MACROD2: variants seen among roughly 807,000 people sequenced by gnomAD.
The protein encoded by MACROD2 is mono-ADP ribosylhydrolase 2, also known as ADP-ribose glycohydrolase MACROD2.
Under a neutral mutation model 70.4 loss-of-function variants are expected in MACROD2, and 36 were observed. The ratio of observed to expected loss-of-function variants is 0.51; its 90% CI spans 0.39 to 0.68. The LOEUF is 0.68. Among genes scored for constraint, MACROD2 ranks in the 30% least tolerant of loss-of-function variants. MACROD2 has a pLI of 0.00. For missense variants in MACROD2, 496 were observed against 538.4 expected (o/e 0.92, Z 0.78); for synonymous variants, 172 against 178.8 (o/e 0.96, Z 0.30).
chr20:15,133,995 C>A (rs981601084), intron 5 of MACROD2, among the ~76,000 whole-genome samples: 1 of 148,292 alleles, frequency 6.7e-6, no homozygotes, highest in Non-Finnish European at 1.5e-5. Flanking sequence ...GCAAGCTCTG[C>A]CTCCCGGGTC....
Position 16,027,508 on chromosome 20 carries a change from G to A in MACROD2, c.1154-13693G>A, listed in dbSNP as rs145690470. 3.7e-3 allele frequency among the ~76,000 whole-genome samples: 560 copies of A among 152,234 alleles called. 6 individuals carry two copies. The highest frequency in any genetic ancestry group is 0.013 in the African/African-American group (538 of 41,548). On this transcript the variant is annotated intron_variant, in intron 15 of 17. Coordinates refer to ENST00000684519, the MANE Select transcript of MACROD2 (RefSeq NM_001351661.2). ...ATAATCATGCAGGATTTCAACCCTC[G>A]CCATCAGAGATGCTTCTTCTGTGGG...
chr20:15,824,480 T>C (rs1357431341), intron 8 of MACROD2, among the ~76,000 whole-genome samples: 3 of 152,310 alleles, frequency 2.0e-5, no homozygotes, highest in East Asian at 1.9e-4. Context: ...ATGAAAATTA[T>C]GTGTTTAGAA....
intron 2 of MACROD2, among the ~76,000 whole-genome samples, chr20:14,055,662 C>A (rs577940116): frequency 6.6e-6 from 1 of 152,084 alleles, no homozygotes; most frequent in Non-Finnish European, 1.5e-5. Flanking sequence ...ACACAGACAG[C>A]AAAGAGCAGG....
intron 5 of MACROD2, among the ~76,000 whole-genome samples, chr20:14,890,445 A>G (rs565704742): frequency 6.6e-6 from 1 of 152,228 alleles, no homozygotes; most frequent in South Asian, 2.1e-4. Context: ...AAGTACTTTG[A>G]TGAGGGGGAG....
At chr20:14,433,939 G>A (rs886897654) in intron 3 of MACROD2, among the ~76,000 whole-genome samples, 2 of 151,932 alleles carry the variant, frequency 1.3e-5, no homozygotes, top group Non-Finnish European at 2.9e-5. Context: ...CAATAATATG[G>A]CACAAAATAA....
At chr20:15,307,276 G>T (rs1322551040) in intron 6 of MACROD2, among the ~76,000 whole-genome samples, 1 of 152,202 alleles carries the variant, frequency 6.6e-6, no homozygotes, top group African/African-American at 2.4e-5. Flanking sequence ...CTATAGATTT[G>T]CTGTGGACCA....
At chr20:15,444,014 A>C (rs6043282) in intron 7 of MACROD2, among the ~76,000 whole-genome samples, 71,143 of 151,984 alleles carry the variant, frequency 0.47, 17,215 homozygotes, top group African/African-American at 0.6. Context: ...GTTGCACAAC[A>C]ACCATCATAA....
At chr20:14,122,549 C>T (rs543418261) in intron 3 of MACROD2, among the ~76,000 whole-genome samples, 1 of 152,254 alleles carries the variant, frequency 6.6e-6, no homozygotes, top group East Asian at 1.9e-4. Context: ...TGAGGGAGGT[C>T]AATAAGAAGA....
chr20:14,825,407 C>CT (rs2072890386), intron 5 of MACROD2, among the ~76,000 whole-genome samples: 1 of 152,078 alleles, frequency 6.6e-6, no homozygotes, highest in African/African-American at 2.4e-5. Context: ...ATATTGGTAC[C>CT]TTTTTCCTGA....
chr20:14,145,751 AT>A (rs2054935104), intron 3 of MACROD2, among the ~76,000 whole-genome samples: 2 of 152,238 alleles, frequency 1.3e-5, no homozygotes, highest in Non-Finnish European at 2.9e-5. Flanking sequence ...TCACAATTAA[AT>A]TCTCTATTAG....
At chr20:14,719,740 A>G (rs897518877) in intron 5 of MACROD2, among the ~76,000 whole-genome samples, 2 of 152,180 alleles carry the variant, frequency 1.3e-5, no homozygotes, top group Non-Finnish European at 1.5e-5. Flanking sequence ...CTGTAGGTGT[A>G]TTTCAGTTGG....
chr20:14,473,337 C>A (rs1485276687), intron 3 of MACROD2, among the ~76,000 whole-genome samples: 1 of 152,154 alleles, frequency 6.6e-6, no homozygotes, highest in African/African-American at 2.4e-5. Flanking sequence ...CTGGTAACCA[C>A]TATTCTATTC....
chr20:14,190,333 A>G (rs1249159045), intron 3 of MACROD2, among the ~76,000 whole-genome samples: 7 of 152,130 alleles, frequency 4.6e-5, no homozygotes, highest in Admixed American at 4.6e-4. Context: ...CCTTCTTAAT[A>G]TGGTGTCCAG....
intron 5 of MACROD2, among the ~76,000 whole-genome samples, chr20:14,951,858 G>A (rs910230878): frequency 5.3e-5 from 8 of 151,018 alleles, no homozygotes; most frequent in African/African-American, 1.2e-4. Context: ...CTTTCCTCCC[G>A]TGTTTTTCCA....
At chr20:14,654,490 G>A (rs766591694) in intron 4 of MACROD2, among the ~76,000 whole-genome samples, 19 of 148,766 alleles carry the variant, frequency 1.3e-4, no homozygotes, top group Non-Finnish European at 1.3e-4. Flanking sequence ...AGGTTGCAGT[G>A]AGCCAAAATC....
intron 5 of MACROD2, among the ~76,000 whole-genome samples, chr20:15,156,291 C>T (rs900049900): frequency 6.6e-6 from 1 of 152,104 alleles, no homozygotes; most frequent in African/African-American, 2.4e-5. Context: ...TAGCTCATTG[C>T]TCAGCTTTTC....
At chr20:15,776,412 C>T (rs1386803906) in intron 8 of MACROD2, among the ~76,000 whole-genome samples, 1 of 152,156 alleles carries the variant, frequency 6.6e-6, no homozygotes, top group African/African-American at 2.4e-5. Flanking sequence ...ACCTGAAGGA[C>T]AAGGTTGACC....
intron 5 of MACROD2, among the ~76,000 whole-genome samples, chr20:15,190,174 T>G (rs2145913408): frequency 6.6e-6 from 1 of 152,334 alleles, no homozygotes; most frequent in South Asian, 2.1e-4. Flanking sequence ...TATGTGTTTC[T>G]TATTTTAAAT....
At chr20:15,916,821 T>C (rs1156442555) in intron 10 of MACROD2, among the ~76,000 whole-genome samples, 5 of 152,136 alleles carry the variant, frequency 3.3e-5, no homozygotes, top group Non-Finnish European at 7.4e-5. Context: ...ACTACAAGGG[T>C]AATCACTCCG....
Sources: allele counts gnomAD v4.1 joint callset (sites outside exome capture counted in the v4.1 genomes callset), GRCh38; gene constraint gnomAD v4.1.1; transcripts MANE v1.5; gene names NCBI Gene and HGNC (gene_info 2026-07-23, HGNC 2026-07-21).